The following CCDC85C variants were observed in gnomAD, a reference collection of about 807,000 sequenced individuals.
CCDC85C encodes coiled-coil domain-containing protein 85C.
In CCDC85C, 18 loss-of-function variants were observed where a neutral mutation model predicts 38.3. The observed-to-expected ratio is 0.47, with a 90% CI of 0.33 to 0.70. The LOEUF (loss-of-function observed/expected upper bound fraction) is 0.70, where lower values mean the gene tolerates loss of function less well. Ranked by LOEUF, CCDC85C falls within the 30% of genes least tolerant of loss-of-function variation. CCDC85C has a pLI of 0.03. For missense variants in CCDC85C, 566 were observed against 621.2 expected (o/e 0.91, Z 0.94); for synonymous variants, 264 against 293.8 (o/e 0.90, Z 1.04).
chr14:99,536,238 C>G (rs1897596842), intron 1 of CCDC85C, 150 bp from the exon 2 acceptor site: 1 of 660,814 alleles, frequency 1.5e-6, no homozygotes, highest in East Asian at 2.7e-5. Context: ...CCTCCGAGCC[C>G]TCGCCCGCCC....
intron 2 of CCDC85C, among the ~76,000 whole-genome samples, chr14:99,526,253 C>G (rs892751881): frequency 2.0e-5 from 3 of 152,204 alleles, no homozygotes; most frequent in Non-Finnish European, 4.4e-5. Context: ...AGGGAGGGGC[C>G]TACATCCACC....
intron 1 of CCDC85C, among the ~76,000 whole-genome samples, chr14:99,559,881 G>A (rs965397179): frequency 7.9e-5 from 12 of 152,192 alleles, no homozygotes; most frequent in Admixed American, 7.9e-4. Flanking sequence ...AGAACACACA[G>A]ATCAATCTCA....
At chr14:99,565,090 G>A (rs753200032) in intron 1 of CCDC85C, among the ~76,000 whole-genome samples, 6 of 152,098 alleles carry the variant, frequency 3.9e-5, no homozygotes, top group South Asian at 2.1e-4. Context: ...GTCATGGGCC[G>A]GTGAGCTCAC....
At chr14:99,555,701 C>T (rs1897997121) in intron 1 of CCDC85C, among the ~76,000 whole-genome samples, 1 of 152,186 alleles carries the variant, frequency 6.6e-6, no homozygotes, top group African/African-American at 2.4e-5. Flanking sequence ...AAATCAGCAT[C>T]GTCCCCACCA....
Position 99,503,009 on chromosome 14 carries a change from G to A in CCDC85C, c.*12237C>T, listed in dbSNP as rs370035979. The A allele has an allele frequency of 1.2e-6, 2 of 1,613,510 alleles. No homozygotes were observed. Among genetic ancestry groups the A allele is most frequent in the African/African-American group, 1.3e-5 (1 of 75,022 alleles). ...GGTGAGTGGGCTAAAGCAGGCCCTG[G>A]GTAGAGCAGGCTTTCCAGGTGGCGG... On this transcript the variant is annotated 3_prime_UTR_variant, in exon 6 of 6. Transcript: ENST00000380243.
Position 99,544,611 on chromosome 14 carries a change from C to A in CCDC85C, c.794-8523G>T, listed in dbSNP as rs996414456. Reference sequence around the variant, plus strand: ...GGAAGACAGCCTGACTCCCCTCTCCCAGAGCAGAAATTCTCTTCGTGACGC... The same window carrying A: ...GGAAGACAGCCTGACTCCCCTCTCCAAGAGCAGAAATTCTCTTCGTGACGC... On this transcript the variant is annotated intron_variant, in intron 1 of 5. Coordinates refer to ENST00000380243, the MANE Select transcript of CCDC85C (RefSeq NM_001144995.2). This position sits in a 1 kb window ranked among gnomAD's most constrained non-coding sequence, Gnocchi z 5.3. Among the ~76,000 whole-genome samples the A allele has an allele frequency of 4.6e-5, 7 of 152,120 alleles. No individual in the cohort carries two copies. The highest frequency in any genetic ancestry group is 1.7e-4 in the African/African-American group (7 of 41,414).
chr14:99,520,380 C>T lies in CCDC85C; in HGVS notation c.975+1753G>A, dbSNP rs1242712993. Among the ~76,000 whole-genome samples the T allele has an allele frequency of 3.3e-5, 5 of 152,068 alleles. No homozygotes were observed. The highest frequency in any genetic ancestry group is 7.2e-5 in the African/African-American group (3 of 41,408). On this transcript the variant is annotated intron_variant, in intron 3 of 5. Coordinates refer to ENST00000380243, the MANE Select transcript of CCDC85C (RefSeq NM_001144995.2). The surrounding 1 kb of genome is among the most constrained non-coding windows in gnomAD (Gnocchi z 4.1). ...CTCCAGGCTTCATCGGCCCCTCCCA[C>T]GAGATACCTTGACCCCTCAACCCCC... is the stretch of plus-strand genomic sequence containing the variant.
At chr14:99,521,220 C>A (rs1411856436) in intron 3 of CCDC85C, among the ~76,000 whole-genome samples, 2 of 152,250 alleles carry the variant, frequency 1.3e-5, no homozygotes, top group African/African-American at 2.4e-5. Context: ...ACAGTTAGAG[C>A]CTCGTTCAGC....
chr14:99,568,610 G>A (rs894903136), intron 1 of CCDC85C, among the ~76,000 whole-genome samples: 6 of 152,182 alleles, frequency 3.9e-5, no homozygotes, highest in Admixed American at 1.3e-4. Flanking sequence ...TGCCAACCCC[G>A]AGGGGGCTGC....
Position 99,522,103 on chromosome 14 carries a change from CAT to C in CCDC85C, c.975+28_975+29del, listed in dbSNP as rs1487372081. ...CTGAGCCTCAGCCCCTCATCCAGAACATGTGGGCTTTTTTGGGGTGCACACTC... is the reference window on the plus strand; with the variant it reads ...CTGAGCCTCAGCCCCTCATCCAGAACGTGGGCTTTTTTGGGGTGCACACTC... On this transcript the variant is annotated intron_variant, in intron 3 of 5. Transcript: ENST00000380243. 5.4e-5 allele frequency: 81 copies of C among 1,509,972 alleles called. No homozygotes were observed. The Middle Eastern group carries it at 2.7e-3, about 50-fold the overall frequency. 93.5% of individuals were successfully genotyped at this position (1,509,972 alleles called of 1,614,324 possible). A position where few individuals can be genotyped will look rare whatever the true frequency, so the allele number is the denominator to read the frequency against.
At chr14:99,552,840 C>A (rs1020319823) in intron 1 of CCDC85C, among the ~76,000 whole-genome samples, 2 of 152,212 alleles carry the variant, frequency 1.3e-5, no homozygotes, top group Non-Finnish European at 2.9e-5. Flanking sequence ...TCACCTTGGG[C>A]AAGGCTTGGA....
At position 99,500,559 on chromosome 14, in the gene CCDC85C, C is replaced by T; in HGVS notation, c.*14687G>A. The stretch of plus-strand genomic sequence containing the variant: ...CAGTATTTTTTTTTACATTACACCT[C>T]TGCTTTGTCTTCCTGTTTGAGATCT... On this transcript the variant is annotated 3_prime_UTR_variant, in exon 6 of 6. Transcript: ENST00000380243. The T allele has an allele frequency of 1.9e-6, 1 of 532,556 alleles. No homozygotes were observed. Among genetic ancestry groups the T allele is most frequent in the Admixed American group, 3.7e-5 (1 of 26,718 alleles). 33.0% of individuals were successfully genotyped at this position (532,556 alleles called of 1,614,324 possible).
chr14:99,517,249 A>C (rs1897241617), intron 3 of CCDC85C, 66 bp from the exon 4 acceptor site: 1 of 1,282,412 alleles, frequency 7.8e-7, no homozygotes, highest in Non-Finnish European at 1.1e-6. Context: ...CCGGTGGCTC[A>C]GACAAGGCCC....
intron 1 of CCDC85C, among the ~76,000 whole-genome samples, chr14:99,568,731 A>T (rs907892249): frequency 4.6e-5 from 7 of 152,220 alleles, no homozygotes; most frequent in Admixed American, 6.5e-5. Flanking sequence ...AAATGTGAGG[A>T]GTACTTCAAG....
At position 99,580,833 on chromosome 14, in the gene CCDC85C, C is replaced by A. The variant is rs892026902; in HGVS notation, c.793+22334G>T. Among the ~76,000 whole-genome samples the A allele has an allele frequency of 4.6e-5, 7 of 152,156 alleles. No individual in the cohort carries two copies. The South Asian group carries it at 1.0e-3, about 23-fold the overall frequency. On this transcript the variant is annotated intron_variant, in intron 1 of 5. Transcript: ENST00000380243. Reference sequence around the variant, plus strand: ...TGAGCCAAGATCGCGCGACTGCACTCTAGCCTGGGTGATAGAGCAAGACTC... The same window carrying A: ...TGAGCCAAGATCGCGCGACTGCACTATAGCCTGGGTGATAGAGCAAGACTC...
chr14:99,566,343 G>A (rs1235268145), intron 1 of CCDC85C, among the ~76,000 whole-genome samples: 2 of 152,188 alleles, frequency 1.3e-5, no homozygotes, highest in Non-Finnish European at 2.9e-5. Flanking sequence ...TACAGGTGGG[G>A]AAACCGAAGC....
At chr14:99,543,254 A>G (rs943661205) in intron 1 of CCDC85C, among the ~76,000 whole-genome samples, 14 of 152,226 alleles carry the variant, frequency 9.2e-5, no homozygotes, top group Non-Finnish European at 1.3e-4. Flanking sequence ...TGCTCCTCCA[A>G]TCTCCACAGG....
Position 99,508,602 on chromosome 14 carries a change from G to A in CCDC85C, c.*6644C>T, listed in dbSNP as rs932175418. The A allele has an allele frequency of 1.3e-4, 20 of 152,660 alleles. No homozygotes were observed. Among genetic ancestry groups the A allele is most frequent in the African/African-American group, 4.8e-4 (20 of 41,476 alleles). The allele number at this position is 152,660 out of a possible 1,614,324, so 9.5% of individuals were successfully genotyped here. On this transcript the variant is annotated 3_prime_UTR_variant, in exon 6 of 6. Coordinates refer to ENST00000380243, the MANE Select transcript of CCDC85C (RefSeq NM_001144995.2). ...GAAGTACGCTTCCTGGGAGGCCCTA[G>A]GCCATGGGAAGAGGCATTCAGGTCA...
chr14:99,518,471 C>T (rs574797437), intron 3 of CCDC85C, among the ~76,000 whole-genome samples: 1 of 152,320 alleles, frequency 6.6e-6, no homozygotes, highest in Admixed American at 6.5e-5. Context: ...TCCTCTGCCC[C>T]AGGGTGTGTG....
Sources: allele counts gnomAD v4.1 joint callset (sites outside exome capture counted in the v4.1 genomes callset), GRCh38; gene constraint gnomAD v4.1.1; non-coding constraint Gnocchi (gnomAD v3.1); transcripts MANE v1.5; gene names NCBI Gene and HGNC (gene_info 2026-07-23, HGNC 2026-07-21).